Variants in TACR3 observed in about 807,000 individuals in gnomAD.
TACR3 encodes the protein neuromedin-K receptor.
TACR3 carries 34 observed loss-of-function variants against 35.0 expected under a neutral mutation model. The observed-to-expected ratio is 0.97, with a 90% CI of 0.74 to 1.30. TACR3 has a LOEUF of 1.30. TACR3 is among the 50% of genes most tolerant of loss of function. The pLI, the probability that TACR3 is intolerant of heterozygous loss-of-function variation, is 0.00. For missense variants in TACR3, 558 were observed against 591.7 expected (o/e 0.94, Z 0.59); for synonymous variants, 233 against 221.1 (o/e 1.05, Z -0.48).
intron 3 of TACR3, among the ~76,000 whole-genome samples, chr4:103,643,087 A>T (rs1359176705): frequency 6.6e-6 from 1 of 151,816 alleles, no homozygotes; most frequent in African/African-American, 2.4e-5. Context: ...TAACTACTGG[A>T]TTTGCTTTAT....
intron 3 of TACR3, among the ~76,000 whole-genome samples, chr4:103,654,817 A>G (rs976394972): frequency 6.6e-6 from 1 of 152,114 alleles, no homozygotes; most frequent in Admixed American, 6.6e-5. Context: ...CCTAAGATAT[A>G]GCTATAAGAA....
chr4:103,589,814 C>T lies in TACR3; in HGVS notation c.1266G>A (p.Arg422=), dbSNP rs763806502. Residue 422 remains arginine (R), a synonymous_variant, in exon 5 of 5, where the codon AGG becomes AGA. Transcript: ENST00000304883. ...VFDPNDADTT[R]SSRKKRATPR... The stretch of plus-strand genomic sequence containing the variant: ...GCGTTGCTCTTTTCTTCCGACTGGA[C>T]CTGGTGGTGTCTGCATCGTTGGGGT... 3.0e-5 allele frequency: 48 copies of T among 1,613,842 alleles called. No individual in the cohort carries two copies. The South Asian group carries it at 4.7e-4, about 16-fold the overall frequency.
intron 3 of TACR3, among the ~76,000 whole-genome samples, chr4:103,595,580 AGTT>A (rs1355518476): frequency 6.6e-6 from 1 of 152,098 alleles, no homozygotes; most frequent in Non-Finnish European, 1.5e-5. Context: ...AAATGCCTAC[AGTT>A]GTTCTTATTC....
At chr4:103,706,474 A>C (rs1186729517) in intron 1 of TACR3, among the ~76,000 whole-genome samples, 1 of 152,192 alleles carries the variant, frequency 6.6e-6, no homozygotes, top group Non-Finnish European at 1.5e-5. Flanking sequence ...GTTAATTCAT[A>C]TGACATAATT....
At chr4:103,670,412 TGCTTGGGG>T (rs1304373011) in intron 1 of TACR3, among the ~76,000 whole-genome samples, 1 of 152,036 alleles carries the variant, frequency 6.6e-6, no homozygotes. Flanking sequence ...ATCTGTAGAG[TGCTTGGGG>T]TAGAATAGAC....
At chr4:103,649,520 G>GT (rs35211172) in intron 3 of TACR3, among the ~76,000 whole-genome samples, 16 of 151,638 alleles carry the variant, frequency 1.1e-4, no homozygotes, top group Non-Finnish European at 7.4e-5. Flanking sequence ...ATGCTTCATT[G>GT]TTTTTTTATT....
At chr4:103,620,979 T>C (rs1724764024) in intron 3 of TACR3, among the ~76,000 whole-genome samples, 1 of 152,256 alleles carries the variant, frequency 6.6e-6, no homozygotes, top group South Asian at 2.1e-4. Flanking sequence ...CCTTGTGAGT[T>C]GTTGAATATC....
intron 1 of TACR3, among the ~76,000 whole-genome samples, chr4:103,701,779 G>T (rs1160475737): frequency 6.6e-6 from 1 of 152,112 alleles, no homozygotes; most frequent in South Asian, 2.1e-4. Flanking sequence ...TGACAAACCT[G>T]ACAAAAACAA....
intron 1 of TACR3, among the ~76,000 whole-genome samples, chr4:103,678,384 A>G (rs1726219506): frequency 6.6e-6 from 1 of 152,154 alleles, no homozygotes. Flanking sequence ...GAAGATGGAA[A>G]TATCTATTTA....
At chr4:103,638,008 T>C (rs1212171503) in intron 3 of TACR3, among the ~76,000 whole-genome samples, 1 of 152,146 alleles carries the variant, frequency 6.6e-6, no homozygotes, top group African/African-American at 2.4e-5. Flanking sequence ...AAAAAGGCCA[T>C]ACTGCCAAAG....
At chr4:103,635,765 A>G (rs1356071016) in intron 3 of TACR3, among the ~76,000 whole-genome samples, 1 of 135,986 alleles carries the variant, frequency 7.4e-6, no homozygotes, top group African/African-American at 3.3e-5. Context: ...TAATTGGAAG[A>G]GAATTTAGAG....
chr4:103,626,620 C>T (rs772595322), intron 3 of TACR3, among the ~76,000 whole-genome samples: 4 of 152,082 alleles, frequency 2.6e-5, no homozygotes, highest in Admixed American at 6.6e-5. Context: ...AATTATTTTA[C>T]ATGGCCAGGT....
chr4:103,679,117 G>T (rs1415038396), intron 1 of TACR3, among the ~76,000 whole-genome samples: 1 of 152,002 alleles, frequency 6.6e-6, no homozygotes, highest in Non-Finnish European at 1.5e-5. Flanking sequence ...AGTGCTAACT[G>T]ACATCCTCTA....
intron 3 of TACR3, among the ~76,000 whole-genome samples, 190 bp downstream of exon 3, chr4:103,656,004 C>A (rs951982388): frequency 6.6e-6 from 1 of 151,888 alleles, no homozygotes; most frequent in African/African-American, 2.4e-5. Context: ...TATTATATAA[C>A]AGACTGATTA....
intron 3 of TACR3, among the ~76,000 whole-genome samples, chr4:103,604,429 T>C (rs1183933849): frequency 2.0e-5 from 3 of 152,016 alleles, no homozygotes; most frequent in Non-Finnish European, 2.9e-5. Flanking sequence ...CCGAAAACCA[T>C]AAAAACCCTA....
intron 3 of TACR3, among the ~76,000 whole-genome samples, chr4:103,637,233 A>C (rs1376231020): frequency 2.0e-5 from 3 of 152,176 alleles, no homozygotes; most frequent in Admixed American, 6.5e-5. Context: ...CAAAAAGCTT[A>C]TCCACCATGA....
intron 3 of TACR3, among the ~76,000 whole-genome samples, chr4:103,653,621 C>A (rs1725669724): frequency 6.6e-6 from 1 of 152,086 alleles, no homozygotes; most frequent in Non-Finnish European, 1.5e-5. Flanking sequence ...CAATACCATT[C>A]AGGACATAGG....
At chr4:103,679,393 G>A (rs1453632671) in intron 1 of TACR3, among the ~76,000 whole-genome samples, 1 of 151,982 alleles carries the variant, frequency 6.6e-6, no homozygotes, top group African/African-American at 2.4e-5. Flanking sequence ...GAATTGTTAG[G>A]TGGTGAAAGT....
chr4:103,719,574 C>T lies in TACR3; in HGVS notation c.102G>A (p.Thr34=). The change falls in exon 1 of 5, where the codon ACG becomes ACA. Residue 34 remains threonine (T), a synonymous_variant. Transcript: ENST00000304883. ...LTASLAAGAA[T]GAVETGWLQL... The stretch of plus-strand genomic sequence containing the variant: ...GCAGCCACCCAGTCTCAACTGCCCC[C>T]GTGGCCGCCCCGGCAGCTAGCGAGG... 1 of 1,610,072 alleles carries T rather than the reference C, an allele frequency of 6.2e-7. No individual in the cohort carries two copies. Among genetic ancestry groups the T allele is most frequent in the East Asian group, 2.2e-5 (1 of 44,780 alleles).
Sources: gnomAD v4.1 joint callset for allele counts (sites outside exome capture counted in the v4.1 genomes callset) on GRCh38, gnomAD v4.1.1 for gene constraint, MANE v1.5 for transcripts, NCBI Gene and HGNC (gene_info 2026-07-23, HGNC 2026-07-21) for gene names.